Variants in MSRB3 observed in about 807,000 individuals in gnomAD.
MSRB3 encodes methionine sulfoxide reductase B3.
In MSRB3, 13 loss-of-function variants were observed where a neutral mutation model predicts 21.0. The observed-to-expected ratio is 0.62, with a 90% confidence interval of 0.40 to 0.98. The LOEUF is 0.98. MSRB3 is among the 50% of genes least tolerant of loss of function. The probability of loss-of-function intolerance (pLI) is 0.00; values close to 1 mark genes in which losing one functional copy is unlikely to be tolerated. For synonymous variants in MSRB3, 87 were observed against 88.6 expected (o/e 0.98, Z 0.10); for missense variants, 199 against 230.3 (o/e 0.86, Z 0.88).
chr12:65,310,689 A>T (rs1873934570), intron 2 of MSRB3, among the ~76,000 whole-genome samples: 1 of 152,224 alleles, frequency 6.6e-6, no homozygotes, highest in African/African-American at 2.4e-5. Context: ...AGATTGTTTA[A>T]CTGAAATATA....
intron 5 of MSRB3, among the ~76,000 whole-genome samples, chr12:65,415,412 G>A (rs115352652): frequency 6.6e-6 from 1 of 152,258 alleles, no homozygotes; most frequent in African/African-American, 2.4e-5. Flanking sequence ...ATGTTTGACA[G>A]AAGGCCATAG....
chr12:65,345,454 G>T (rs1016050333), intron 4 of MSRB3, among the ~76,000 whole-genome samples: 1 of 152,062 alleles, frequency 6.6e-6, no homozygotes, highest in Non-Finnish European at 1.5e-5. Context: ...AGAGCTCCAG[G>T]AGTAATACAT....
At chr12:65,298,003 C>CTT (rs58659084) in intron 1 of MSRB3, among the ~76,000 whole-genome samples, 6 of 145,778 alleles carry the variant, frequency 4.1e-5, no homozygotes, top group Admixed American at 6.9e-5. Flanking sequence ...GATGGGTCTA[C>CTT]TTTTTTTTTT....
chr12:65,377,783 C>T (rs1592580674), intron 5 of MSRB3, among the ~76,000 whole-genome samples: 1 of 152,208 alleles, frequency 6.6e-6, no homozygotes, highest in East Asian at 1.9e-4. Flanking sequence ...AATTTCCAGG[C>T]CCTTTGCATC....
At chr12:65,404,669 G>T (rs942089221) in intron 5 of MSRB3, among the ~76,000 whole-genome samples, 5 of 152,088 alleles carry the variant, frequency 3.3e-5, no homozygotes. Context: ...TTTGTTCTAT[G>T]TGGTGTATAG....
intron 5 of MSRB3, among the ~76,000 whole-genome samples, chr12:65,391,627 A>G (rs1030545196): frequency 1.3e-5 from 2 of 152,198 alleles, no homozygotes; most frequent in African/African-American, 4.8e-5. Context: ...AAAAAAGGTG[A>G]ATAGCTTGTT....
At chr12:65,459,904 T>C (rs1011796918) in intron 6 of MSRB3, among the ~76,000 whole-genome samples, 6 of 152,222 alleles carry the variant, frequency 3.9e-5, no homozygotes, top group African/African-American at 1.4e-4. Context: ...CCCTTGGTTC[T>C]CTGCAGGTTC....
intron 1 of MSRB3, among the ~76,000 whole-genome samples, chr12:65,287,233 C>T (rs1262418551): frequency 1.3e-5 from 2 of 150,756 alleles, no homozygotes; most frequent in African/African-American, 4.9e-5. Flanking sequence ...AGTGATCCTC[C>T]CACCTCAGCC....
Position 65,408,865 on chromosome 12 carries a change from C to T in MSRB3, c.292+39839C>T, listed in dbSNP as rs117077104. Among the ~76,000 whole-genome samples the T allele has an allele frequency of 8.9e-3, 1,357 of 152,282 alleles. 8 individuals carry two copies. The highest frequency in any genetic ancestry group is 0.014 in the Non-Finnish European group (952 of 68,024). On this transcript the variant is annotated intron_variant, in intron 5 of 6. Coordinates refer to ENST00000308259, the MANE Select transcript of MSRB3 (RefSeq NM_001031679.3). The stretch of plus-strand genomic sequence containing the variant: ...ATTAGGCTCTGGTAAAATACTTTCT[C>T]ATGAGGGCAGGCCTTGTTAAAAATA...
intron 4 of MSRB3, among the ~76,000 whole-genome samples, chr12:65,337,918 C>G (rs887150983): frequency 2.6e-5 from 4 of 152,254 alleles, no homozygotes; most frequent in East Asian, 1.9e-4. Context: ...TTGCAAATCT[C>G]TCTCCCCAAC....
At chr12:65,310,582 G>A (rs1265829259) in intron 2 of MSRB3, among the ~76,000 whole-genome samples, 6 of 152,296 alleles carry the variant, frequency 3.9e-5, no homozygotes, top group South Asian at 2.1e-4. Flanking sequence ...ACATTGGTTT[G>A]CCAAATACAG....
intron 4 of MSRB3, among the ~76,000 whole-genome samples, chr12:65,351,092 C>T (rs1876951194): frequency 6.6e-6 from 1 of 152,092 alleles, no homozygotes; most frequent in Admixed American, 6.6e-5. Context: ...TGTAAAAGGA[C>T]AGAAATTATA....
At chr12:65,324,600 A>G (rs922651054) in intron 2 of MSRB3, among the ~76,000 whole-genome samples, 1 of 152,200 alleles carries the variant, frequency 6.6e-6, no homozygotes, top group Non-Finnish European at 1.5e-5. Context: ...ATGGTTCATC[A>G]ATACTGACCA....
chr12:65,389,960 C>T (rs1879389684), intron 5 of MSRB3, among the ~76,000 whole-genome samples: 1 of 152,188 alleles, frequency 6.6e-6, no homozygotes, highest in African/African-American at 2.4e-5. Context: ...TTTTCTACCA[C>T]CATTTTCTTT....
chr12:65,390,686 T>G (rs1344393340), intron 5 of MSRB3, among the ~76,000 whole-genome samples: 2 of 152,116 alleles, frequency 1.3e-5, no homozygotes, highest in African/African-American at 4.8e-5. Flanking sequence ...CATAGAACAT[T>G]ATTTATTGTG....
At chr12:65,385,787 C>A (rs767891503) in intron 5 of MSRB3, among the ~76,000 whole-genome samples, 84 of 152,046 alleles carry the variant, frequency 5.5e-4, no homozygotes, top group Non-Finnish European at 1.1e-3. Flanking sequence ...CTTGTTTCCT[C>A]TTTATTATGC....
chr12:65,310,137 AGTAGATC>A (rs1411671390), intron 2 of MSRB3, among the ~76,000 whole-genome samples: 1 of 152,090 alleles, frequency 6.6e-6, no homozygotes, highest in Non-Finnish European at 1.5e-5. Context: ...TTTTTTTAAA[AGTAGATC>A]TTATGTCTGT....
At chr12:65,377,417 G>A (rs957987025) in intron 5 of MSRB3, among the ~76,000 whole-genome samples, 3 of 151,900 alleles carry the variant, frequency 2.0e-5, no homozygotes, top group African/African-American at 7.3e-5. Flanking sequence ...GATTACAGGC[G>A]CCCTGCCCCC....
rs769590266 is a variant in MSRB3 at position 65,280,314 on chromosome 12, C to T, written c.-52+1449C>T. 7.2e-5 allele frequency among the ~76,000 whole-genome samples: 11 copies of T among 152,238 alleles called. No homozygotes were observed. The East Asian group carries it at 1.3e-3, about 19-fold the overall frequency. ...TTATAGATTCATATTTTGGAAGTAA[C>T]TTTAATAGCACTTCTTGGGAAATAC... On this transcript the variant is annotated intron_variant, in intron 1 of 6. Transcript: ENST00000308259.
Sources: allele counts gnomAD v4.1 joint callset (sites outside exome capture counted in the v4.1 genomes callset), GRCh38; gene constraint gnomAD v4.1.1; transcripts MANE v1.5; gene names NCBI Gene and HGNC (gene_info 2026-07-23, HGNC 2026-07-21).